The following KCNQ5 variants were observed in gnomAD, a reference collection of about 807,000 sequenced individuals.
KCNQ5 encodes potassium voltage-gated channel subfamily KQT member 5.
In KCNQ5, 30 loss-of-function variants were observed where a neutral mutation model predicts 98.2. The ratio of observed to expected loss-of-function variants is 0.31; its 90% CI spans 0.23 to 0.41. The LOEUF (loss-of-function observed/expected upper bound fraction) is 0.41, where lower values mean the gene tolerates loss of function less well. KCNQ5 is among the 10% of genes least tolerant of loss of function. The pLI is 1.00. For synonymous variants in KCNQ5, 458 were observed against 449.4 expected (o/e 1.02, Z -0.24); for missense variants, 835 against 1,182.5 (o/e 0.71, Z 4.31).
chr6:73,049,588 C>T (rs1252114941), intron 3 of KCNQ5, among the ~76,000 whole-genome samples: 3 of 152,142 alleles, frequency 2.0e-5, no homozygotes, highest in Non-Finnish European at 2.9e-5. Context: ...GTTTAATCTA[C>T]ATGTGGAGAA....
chr6:72,736,991 C>CA (rs1770883628), intron 1 of KCNQ5, among the ~76,000 whole-genome samples: 1 of 151,678 alleles, frequency 6.6e-6, no homozygotes, highest in Non-Finnish European at 1.5e-5. Context: ...GAGTCTCACT[C>CA]ACTGCGTCGC....
intron 1 of KCNQ5, among the ~76,000 whole-genome samples, chr6:72,726,692 A>G (rs1770298043): frequency 1.3e-5 from 2 of 152,190 alleles, no homozygotes; most frequent in African/African-American, 4.8e-5. Context: ...ACAGATTATG[A>G]ATGTTGTTGA....
At chr6:72,910,561 GGGGTGTGTGTGT>G (rs1440520284) in intron 1 of KCNQ5, among the ~76,000 whole-genome samples, 59 of 102,988 alleles carry the variant, frequency 5.7e-4, no homozygotes, top group Middle Eastern at 4.3e-3. Flanking sequence ...GAAAGGTAGG[GGGGTGTGTGTGT>G]GTGTGTGTGT....
At chr6:72,638,336 G>A (rs183989579) in intron 1 of KCNQ5, among the ~76,000 whole-genome samples, 1 of 152,264 alleles carries the variant, frequency 6.6e-6, no homozygotes, top group Admixed American at 6.5e-5. Context: ...GACTTGATGA[G>A]CTACTTTACA....
intron 10 of KCNQ5, among the ~76,000 whole-genome samples, chr6:73,166,136 G>A (rs894866311): frequency 6.6e-6 from 1 of 151,242 alleles, no homozygotes. Flanking sequence ...AAGAGGTAAT[G>A]GTAAAACACA....
At chr6:72,631,823 G>GT (rs144604671) in intron 1 of KCNQ5, among the ~76,000 whole-genome samples, 1,630 of 152,086 alleles carry the variant, frequency 0.011, 12 homozygotes, top group East Asian at 0.021. Context: ...TAGAGAAGAA[G>GT]TTTTTTTATC....
In KCNQ5 at chr6:72,900,523, A is replaced by T. The variant is rs145415474; in HGVS notation, c.399-103385A>T. 3.0e-4 allele frequency among the ~76,000 whole-genome samples: 45 copies of T among 148,606 alleles called. 1 individual carries two copies. In the East Asian group the frequency reaches 7.6e-3, roughly 25 times the overall value. ...CCATCATATATATATATATTTATAT[A>T]TATACCACAGTTTCTTTATTCCCTG... On this transcript the variant is annotated intron_variant, in intron 1 of 13. Transcript: ENST00000370398.
intron 1 of KCNQ5, among the ~76,000 whole-genome samples, chr6:72,968,638 A>T (rs1402008283): frequency 6.6e-6 from 1 of 152,216 alleles, no homozygotes; most frequent in Non-Finnish European, 1.5e-5. Context: ...CAAATGTTTT[A>T]TGAAGTGGCT....
chr6:72,820,484 CTT>C (rs529567477), intron 1 of KCNQ5, among the ~76,000 whole-genome samples: 3 of 145,488 alleles, frequency 2.1e-5, no homozygotes. Flanking sequence ...TTCTTTCTTT[CTT>C]TTTTTTTTTG....
intron 1 of KCNQ5, among the ~76,000 whole-genome samples, chr6:72,950,538 C>G (rs115925808): frequency 6.6e-6 from 1 of 152,188 alleles, no homozygotes; most frequent in African/African-American, 2.4e-5. Flanking sequence ...TGCAGCAGAG[C>G]CCCTCAGCTG....
At chr6:73,139,091 G>A (rs529226220) in intron 10 of KCNQ5, among the ~76,000 whole-genome samples, 1 of 152,272 alleles carries the variant, frequency 6.6e-6, no homozygotes, top group Non-Finnish European at 1.5e-5. Context: ...CTGTCTGCCT[G>A]CCTCCTCCTC....
At chr6:73,063,667 T>TAGATA (rs139031998) in intron 3 of KCNQ5, among the ~76,000 whole-genome samples, 1 of 64,432 alleles carries the variant, frequency 1.6e-5, no homozygotes. Flanking sequence ...GATAGATAGA[T>TAGATA]GATAGATAGA....
chr6:72,946,206 A>G (rs1323973747), intron 1 of KCNQ5, among the ~76,000 whole-genome samples: 1 of 152,160 alleles, frequency 6.6e-6, no homozygotes, highest in Non-Finnish European at 1.5e-5. Context: ...AAAACCATCT[A>G]TATGTGTTCC....
At chr6:72,755,433 T>C (rs1254277579) in intron 1 of KCNQ5, among the ~76,000 whole-genome samples, 1 of 152,142 alleles carries the variant, frequency 6.6e-6, no homozygotes, top group African/African-American at 2.4e-5. Flanking sequence ...CTTCTTTTCC[T>C]ACCTGTGGAT....
chr6:73,012,864 C>CA (rs58996956), intron 2 of KCNQ5, among the ~76,000 whole-genome samples: 39,585 of 150,192 alleles, frequency 0.26, 6,459 homozygotes, highest in Non-Finnish European at 0.37. Flanking sequence ...ATTTAAAACT[C>CA]AAAAAAAAAG....
chr6:73,010,644 A>C (rs1314475983), intron 2 of KCNQ5, among the ~76,000 whole-genome samples: 1 of 151,712 alleles, frequency 6.6e-6, no homozygotes, highest in Non-Finnish European at 1.5e-5. Context: ...AAGATTTAAA[A>C]AAAAAAAAAA....
chr6:73,158,776 T>C (rs1777492342), intron 10 of KCNQ5, among the ~76,000 whole-genome samples: 1 of 152,212 alleles, frequency 6.6e-6, no homozygotes, highest in Non-Finnish European at 1.5e-5. Context: ...CTATTGTACA[T>C]AGTTATAATC....
At position 72,734,950 on chromosome 6, in the gene KCNQ5, C is replaced by T. The variant is rs142406189; in HGVS notation, c.398+112363C>T. Among the ~76,000 whole-genome samples the T allele has an allele frequency of 2.6e-5, 4 of 152,086 alleles. No homozygotes were observed. The East Asian group carries it at 7.7e-4, about 29-fold the overall frequency. On this transcript the variant is annotated intron_variant, in intron 1 of 13. Coordinates refer to ENST00000370398, the MANE Select transcript of KCNQ5 (RefSeq NM_019842.4). The stretch of plus-strand genomic sequence containing the variant: ...ATTTCACTTCAACTTCATGATAATT[C>T]TAATATCAGTCAATTAACTGTGCAC...
chr6:72,978,795 T>C (rs1768282276), intron 1 of KCNQ5, among the ~76,000 whole-genome samples: 1 of 152,222 alleles, frequency 6.6e-6, no homozygotes, highest in African/African-American at 2.4e-5. Context: ...GTCATTTACA[T>C]TACATATTTC....
Sources: gnomAD v4.1 joint callset for allele counts (sites outside exome capture counted in the v4.1 genomes callset) on GRCh38, gnomAD v4.1.1 for gene constraint, MANE v1.5 for transcripts, NCBI Gene and HGNC (gene_info 2026-07-23, HGNC 2026-07-21) for gene names.